IGSF23: variants seen among roughly 807,000 people sequenced by gnomAD.
IGSF23 encodes immunoglobulin superfamily member 23.
IGSF23 carries 14 observed loss-of-function variants against 17.8 expected under a neutral mutation model. The observed-to-expected ratio is 0.79, with a 90% CI of 0.52 to 1.23. IGSF23 has a LOEUF of 1.23. IGSF23 is among the 50% of genes most tolerant of loss of function. The probability of loss-of-function intolerance (pLI) is 0.00; values close to 1 mark genes in which losing one functional copy is unlikely to be tolerated. For synonymous variants in IGSF23, 85 were observed against 92.5 expected, an observed-to-expected ratio of 0.92 and a Z score of 0.46; for missense variants, 214 against 241.7, an observed-to-expected ratio of 0.89 and a Z score of 0.76.
At chr19:44,619,022 G>A (rs914670878) in intron 1 of IGSF23, among the ~76,000 whole-genome samples, 16 of 151,926 alleles carry the variant, frequency 1.1e-4, no homozygotes, top group East Asian at 3.8e-4. Context: ...ATTGGCTCAT[G>A]GTTCCACAGG....
rs903204238 is a variant in IGSF23 at position 44,635,362 on chromosome 19, CTCTCTCTCTCTCTG to C, written c.546-25_546-12del. On this transcript the variant is annotated intron_variant, in intron 3 of 4. Coordinates refer to ENST00000402988, the MANE Select transcript of IGSF23 (RefSeq NM_001205280.2). ...GATGATTCTTATTCTCTCTCTCTCT[CTCTCTCTCTCTCTG>C]TCTCTCTCTCTCTCTCCACTGCAGG... 11 of 1,445,542 alleles carry C rather than the reference CTCTCTCTCTCTCTG, an allele frequency of 7.6e-6. No individual in the cohort carries two copies. The Admixed American group carries it at 1.4e-4, about 19-fold the overall frequency. The allele number at this position is 1,445,542 out of a possible 1,614,324, so 89.5% of individuals were successfully genotyped here. A position where few individuals can be genotyped will look rare whatever the true frequency, so the allele number is the denominator to read the frequency against.
At chr19:44,634,991 CA>C (rs761482311) in intron 3 of IGSF23, among the ~76,000 whole-genome samples, 6 of 152,094 alleles carry the variant, frequency 3.9e-5, no homozygotes, top group Non-Finnish European at 5.9e-5. Context: ...GCTGCTGTAA[CA>C]AAAATGCTAC....
chr19:44,633,947 G>A (rs1242034528), intron 3 of IGSF23, among the ~76,000 whole-genome samples: 1 of 152,126 alleles, frequency 6.6e-6, no homozygotes, highest in Non-Finnish European at 1.5e-5. Flanking sequence ...TTTCCTCATT[G>A]TAATCTGAAT....
At chr19:44,635,162 T>C (rs1972859875) in intron 3 of IGSF23, among the ~76,000 whole-genome samples, 1 of 152,204 alleles carries the variant, frequency 6.6e-6, no homozygotes, top group Non-Finnish European at 1.5e-5. Context: ...CTTTTCTCTA[T>C]GCTCATCCCT....
intron 1 of IGSF23, among the ~76,000 whole-genome samples, chr19:44,618,995 AAAG>A (rs887702340): frequency 3.3e-5 from 5 of 151,784 alleles, no homozygotes; most frequent in African/African-American, 7.3e-5. Flanking sequence ...AAAAAAAAAA[AAAG>A]AAGAAGACGT....
At chr19:44,631,471 C>T (rs1295335654) in intron 3 of IGSF23, among the ~76,000 whole-genome samples, 3 of 152,050 alleles carry the variant, frequency 2.0e-5, no homozygotes, top group Non-Finnish European at 4.4e-5. Context: ...GCCTGTAATC[C>T]CAGCTATTTG....
chr19:44,618,044 A>G, intron 1 of IGSF23: 3 of 469,938 alleles, frequency 6.4e-6, no homozygotes, highest in South Asian at 3.1e-5. Context: ...GAGAGGAATC[A>G]ATGATTCCTC....
intron 3 of IGSF23, among the ~76,000 whole-genome samples, chr19:44,635,117 C>T (rs1419586264): frequency 1.3e-5 from 2 of 152,230 alleles, no homozygotes; most frequent in African/African-American, 4.8e-5. Context: ...CCATGGCTTG[C>T]AGAAGGCCAC....
chr19:44,629,495 G>A (rs797001086), intron 3 of IGSF23, among the ~76,000 whole-genome samples: 17 of 152,108 alleles, frequency 1.1e-4, no homozygotes, highest in African/African-American at 3.9e-4. Context: ...CCAGGAATTT[G>A]AGGCTGCAGC....
intron 1 of IGSF23, chr19:44,614,124 A>C: frequency 8.5e-6 from 5 of 588,456 alleles, no homozygotes; most frequent in Non-Finnish European, 1.4e-5. Flanking sequence ...CACCCAACTC[A>C]TGAGAACTCT....
rs968499273 is a variant in IGSF23 at position 44,627,625 on chromosome 19, T to C, written c.545+52T>C. 13 of 1,508,750 alleles carry C rather than the reference T, an allele frequency of 8.6e-6. No individual in the cohort carries two copies. In the Admixed American group the frequency reaches 2.2e-4, roughly 26 times the overall value. The allele number at this position is 1,508,750 out of a possible 1,614,324, so 93.5% of individuals were successfully genotyped here. On this transcript the variant is annotated intron_variant, in intron 3 of 4. Coordinates refer to ENST00000402988, the MANE Select transcript of IGSF23 (RefSeq NM_001205280.2). ...CTGGGCAACATCCACTCAGCCCCCATGGGGCACAGAGCTGGCTCAACAAGG... is the reference window on the plus strand; with the variant it reads ...CTGGGCAACATCCACTCAGCCCCCACGGGGCACAGAGCTGGCTCAACAAGG...
In IGSF23 at chr19:44,620,523, C is replaced by T. The variant is rs1187883296; in HGVS notation, c.126-3184C>T. Among the ~76,000 whole-genome samples, 5 of 151,882 alleles carry T rather than the reference C, an allele frequency of 3.3e-5. No individual in the cohort carries two copies. In the East Asian group the frequency reaches 5.9e-4, roughly 18 times the overall value. ...CTGGGATCACAGGCGCCCGCCACCACGCCCGGCTAATTTTTATATTTTTAG... is the reference window on the plus strand; with the variant it reads ...CTGGGATCACAGGCGCCCGCCACCATGCCCGGCTAATTTTTATATTTTTAG... On this transcript the variant is annotated intron_variant, in intron 1 of 4. Transcript: ENST00000402988.
intron 1 of IGSF23, among the ~76,000 whole-genome samples, chr19:44,622,154 A>C (rs1453591689): frequency 6.7e-6 from 1 of 150,014 alleles, no homozygotes; most frequent in Non-Finnish European, 1.5e-5. Context: ...CAGGGGGCAG[A>C]GGTTGCAGTG....
At chr19:44,627,627 G>C in intron 3 of IGSF23, 54 bp downstream of exon 3, 1 of 1,506,624 alleles carries the variant, frequency 6.6e-7, no homozygotes, top group Admixed American at 2.0e-5. Context: ...AGCCCCCATG[G>C]GGCACAGAGC....
At chr19:44,631,858 T>G (rs897436358) in intron 3 of IGSF23, among the ~76,000 whole-genome samples, 3 of 152,210 alleles carry the variant, frequency 2.0e-5, no homozygotes, top group Admixed American at 6.5e-5. Flanking sequence ...AGGTGTTCCT[T>G]GCCCTCATTC....
intron 3 of IGSF23, among the ~76,000 whole-genome samples, chr19:44,629,957 A>AG (rs778437146): frequency 6.6e-6 from 1 of 152,016 alleles, no homozygotes; most frequent in Non-Finnish European, 1.5e-5. Flanking sequence ...TGGGGAGGTG[A>AG]GGGGGCTGTG....
rs1014302869 is a variant in IGSF23, at chr19:44,636,733, T to G, written c.*346T>G. 2.6e-5 allele frequency: 4 copies of G among 152,176 alleles called. No homozygotes were observed. The highest frequency in any genetic ancestry group is 3.8e-4 in the East Asian group (2 of 5,196). 9.4% of individuals were successfully genotyped at this position (152,176 alleles called of 1,614,324 possible). On this transcript the variant is annotated 3_prime_UTR_variant, in exon 5 of 5. Transcript: ENST00000402988. Reference sequence around the variant, plus strand: ...ATATGTCTTTTACACATGCTGCTTTTTTTTTCTCTTTTTCAAAAAGAACCA... The same window carrying G: ...ATATGTCTTTTACACATGCTGCTTTGTTTTTCTCTTTTTCAAAAAGAACCA...
chr19:44,629,321 G>A (rs568564934), intron 3 of IGSF23, among the ~76,000 whole-genome samples: 2 of 152,262 alleles, frequency 1.3e-5, no homozygotes, highest in Admixed American at 6.5e-5. Context: ...GAAGGCCAAG[G>A]CAGGAGGATC....
At chr19:44,634,266 TAG>T (rs1316626312) in intron 3 of IGSF23, among the ~76,000 whole-genome samples, 1 of 152,224 alleles carries the variant, frequency 6.6e-6, no homozygotes, top group African/African-American at 2.4e-5. Context: ...TTATCAAACT[TAG>T]AGTGACACTG....
Sources: allele counts gnomAD v4.1 joint callset (sites outside exome capture counted in the v4.1 genomes callset), GRCh38; gene constraint gnomAD v4.1.1; transcripts MANE v1.5; gene names NCBI Gene and HGNC (gene_info 2026-07-23, HGNC 2026-07-21).